DENND2A: variants seen among roughly 807,000 people sequenced by gnomAD.
The protein encoded by DENND2A is DENN domain containing 2A.
DENND2A carries 53 observed loss-of-function variants against 105.3 expected under a neutral mutation model. That is an observed-to-expected ratio of 0.50 (90% CI 0.40 to 0.63). The LOEUF (loss-of-function observed/expected upper bound fraction) is 0.63, where lower values mean the gene tolerates loss of function less well. Among genes scored for constraint, DENND2A ranks in the 30% least tolerant of loss-of-function variants. The pLI is 0.00. For synonymous variants in DENND2A, 522 were observed against 508.4 expected (o/e 1.03, Z -0.36); for missense variants, 1,138 against 1,279.6 (o/e 0.89, Z 1.69).
intron 1 of DENND2A, among the ~76,000 whole-genome samples, chr7:140,619,599 G>A (rs566812505): frequency 1.3e-5 from 2 of 151,684 alleles, no homozygotes; most frequent in East Asian, 3.9e-4. Flanking sequence ...TCCTGGGTTC[G>A]AGAGATTCTC....
intron 5 of DENND2A, among the ~76,000 whole-genome samples, chr7:140,580,536 T>C (rs1432807914): frequency 6.6e-6 from 1 of 152,140 alleles, no homozygotes; most frequent in African/African-American, 2.4e-5. Context: ...ACCAGGCTGG[T>C]CTTGAATGCC....
chr7:140,577,259 C>T (rs1286141552), intron 5 of DENND2A, among the ~76,000 whole-genome samples: 1 of 152,048 alleles, frequency 6.6e-6, no homozygotes, highest in East Asian at 1.9e-4. Context: ...TAAATTAGAT[C>T]AAAAGAGTCT....
chr7:140,549,490 C>T (rs1299339602), intron 12 of DENND2A, among the ~76,000 whole-genome samples: 3 of 152,174 alleles, frequency 2.0e-5, no homozygotes, highest in East Asian at 1.9e-4. Context: ...TGACCTCAGG[C>T]GATCCAACCA....
In DENND2A at chr7:140,601,713, G is replaced by C. The variant is rs778233422; in HGVS notation, c.685C>G (p.Pro229Ala). 18 of 1,614,062 alleles carry C rather than the reference G, an allele frequency of 1.1e-5. No homozygotes were observed. In the African/African-American group the frequency reaches 1.9e-4, roughly 17 times the overall value. ...CCTTTCCTGTCCTCCACAAGCTCAG[G>C]GGTGGGCTCCCTGCCTTCCAGGTCC... ...PSDLEGREPT[P>A]ELVEDRKGSC... The change falls in exon 3 of 20, where the codon CCT becomes GCT. Residue 229 changes from proline (P) to alanine (A), a missense_variant. Around this residue, in one of 2 missense-constraint regions of DENND2A, gnomAD observed 511 missense variants for 499.9 expected, o/e 1.02. Transcript: ENST00000496613.
intron 3 of DENND2A, among the ~76,000 whole-genome samples, chr7:140,597,105 G>C (rs1799313338): frequency 6.6e-6 from 1 of 152,010 alleles, no homozygotes; most frequent in Non-Finnish European, 1.5e-5. Context: ...GAAAAGGAAG[G>C]AAAGAGAAGA....
At chr7:140,525,725 A>C (rs1796030835) in intron 16 of DENND2A, 26 bp downstream of exon 16, 2 of 1,597,816 alleles carry the variant, frequency 1.3e-6, no homozygotes, top group South Asian at 2.3e-5. Context: ...CAAAGGGAGC[A>C]GGAGGCCGTC....
chr7:140,577,428 C>T (rs577658141), intron 5 of DENND2A, among the ~76,000 whole-genome samples: 144 of 149,242 alleles, frequency 9.6e-4, no homozygotes, highest in Non-Finnish European at 1.7e-3. Flanking sequence ...GATGGAGTCT[C>T]GCTCTGTTGC....
intron 5 of DENND2A, among the ~76,000 whole-genome samples, chr7:140,577,883 C>T (rs918013096): frequency 6.6e-6 from 1 of 152,164 alleles, no homozygotes; most frequent in African/African-American, 2.4e-5. Flanking sequence ...TTGCTTGTCA[C>T]ACCCAGAACT....
Position 140,522,070 on chromosome 7 carries a change from A to G in DENND2A, c.2696T>C (p.Val899Ala), listed in dbSNP as rs1473862366. The G allele has an allele frequency of 6.2e-7, 1 of 1,614,044 alleles. No homozygotes were observed. The highest frequency in any genetic ancestry group is 1.3e-5 in the African/African-American group (1 of 74,946). ...GAAGAAGCGGACAAAGGCTTCAGACACCACCTCGTTCAAGGGGCTGGACTC... is the reference window on the plus strand; with the variant it reads ...GAAGAAGCGGACAAAGGCTTCAGACGCCACCTCGTTCAAGGGGCTGGACTC... ...GPESSPLNEV[V>A]SEAFVRFFVE... Residue 899 changes from valine (V) to alanine (A), a missense_variant, in exon 18 of 20, where the codon GTG becomes GCG. Transcript: ENST00000496613.
chr7:140,594,516 C>T (rs770411921), intron 3 of DENND2A, among the ~76,000 whole-genome samples: 10 of 152,170 alleles, frequency 6.6e-5, no homozygotes, highest in Non-Finnish European at 1.3e-4. Context: ...GGCTACACAT[C>T]CCTGCTGAAT....
chr7:140,555,365 C>T (rs1797315963), intron 12 of DENND2A, among the ~76,000 whole-genome samples: 1 of 152,018 alleles, frequency 6.6e-6, no homozygotes, highest in Non-Finnish European at 1.5e-5. Context: ...TCTCGAACTC[C>T]TGACCTCAAG....
chr7:140,581,199 G>T (rs1470961051), intron 5 of DENND2A, among the ~76,000 whole-genome samples: 10 of 152,112 alleles, frequency 6.6e-5, no homozygotes, highest in African/African-American at 2.4e-4. Context: ...AGGAGGTGGA[G>T]GTTGCAGTGA....
At chr7:140,617,838 T>C (rs1800139270) in intron 1 of DENND2A, among the ~76,000 whole-genome samples, 1 of 152,188 alleles carries the variant, frequency 6.6e-6, no homozygotes, top group Non-Finnish European at 1.5e-5. Flanking sequence ...CCACACTGTG[T>C]GACGTGCCGG....
chr7:140,620,935 A>C (rs558245825), intron 1 of DENND2A, among the ~76,000 whole-genome samples: 2 of 152,326 alleles, frequency 1.3e-5, no homozygotes, highest in South Asian at 4.1e-4. Flanking sequence ...TGGTTCCAGG[A>C]TGTCACTCAG....
Position 140,601,570 on chromosome 7 carries a change from G to A in DENND2A, c.828C>T (p.Ala276=), listed in dbSNP as rs371627954. ...LPKPRRTFKH[A]GEGDKDGKPG... ...GCTTCCCATCTTTGTCCCCTTCTCC[G>A]GCATGTTTGAACGTTCTCCGGGGTT... The change falls in exon 3 of 20, where the codon GCC becomes GCT. Residue 276 remains alanine (A), a synonymous_variant. Transcript: ENST00000496613. 41 of 1,614,112 alleles carry A rather than the reference G, an allele frequency of 2.5e-5. No individual in the cohort carries two copies. Among genetic ancestry groups the A allele is most frequent in the Middle Eastern group, 3.3e-4 (2 of 6,062 alleles).
Position 140,602,074 on chromosome 7 carries a change from C to A in DENND2A, c.324G>T (p.Lys108Asn), listed in dbSNP as rs779452234. 5.0e-6 allele frequency: 8 copies of A among 1,614,066 alleles called. No individual in the cohort carries two copies. The African/African-American group carries it at 9.3e-5, about 19-fold the overall frequency. ...GMRPGTESTE[K>N]ERNKGAVNVG... ...CGTTCACTGCTCCTTTATTCCTCTC[C>A]TTCTCTGTGCTCTCTGTTCCTGGCC... The change falls in exon 3 of 20, where the codon AAG becomes AAT. Residue 108 changes from lysine to asparagine, a missense_variant. Physicochemically the swap from Lys to Asn is moderately conservative, Grantham distance 94. Transcript: ENST00000496613.
rs1335576335 is a variant in DENND2A at position 140,567,237 on chromosome 7, A to T, written c.1628T>A (p.Leu543Gln). The T allele has an allele frequency of 1.9e-6, 3 of 1,612,104 alleles. No homozygotes were observed. Among genetic ancestry groups the T allele is most frequent in the African/African-American group, 2.7e-5 (2 of 74,572 alleles). Residue 543 changes from leucine (L) to glutamine (Q), a missense_variant, in exon 9 of 20, where the codon CTG becomes CAG. By Grantham distance (113) the Leu-to-Gln change is moderately radical (BLOSUM62 -2). Transcript: ENST00000496613. ...TGATGGGTACCGAGGCGCCTGCTTC[A>T]GCCGGGACTTCACGTTGACCAGGCG... Reference protein sequence around the residue: ...SQRLVNVKSRLKQAPRYPSLA... With the variant: ...SQRLVNVKSRQKQAPRYPSLA...
At position 140,521,938 on chromosome 7, in the gene DENND2A, CGGAGGCTCTTGGA is replaced by C; in HGVS notation, c.2815_2827del (p.Ser939AlafsTer54). The C allele has an allele frequency of 6.2e-7, 1 of 1,614,136 alleles. No homozygotes were observed. The highest frequency in any genetic ancestry group is 8.5e-7 in the Non-Finnish European group (1 of 1,180,038). ...CTCCATGAAGACCTCCAGGAAGTGG[CGGAGGCTCTTGGA>C]GGAGACAGCTTTGCGGAAGGCCTCC... On this transcript the variant is annotated frameshift_variant, in exon 18 of 20. Coordinates refer to ENST00000496613, the MANE Select transcript of DENND2A (RefSeq NM_015689.5). LOFTEE classifies it high-confidence loss of function.
intron 6 of DENND2A, among the ~76,000 whole-genome samples, chr7:140,573,402 A>T (rs1798173809): frequency 6.6e-6 from 1 of 152,240 alleles, no homozygotes; most frequent in Non-Finnish European, 1.5e-5. Flanking sequence ...AAGAGCCACA[A>T]GAGGTATTGT....
Sources: allele counts gnomAD v4.1 joint callset (sites outside exome capture counted in the v4.1 genomes callset), GRCh38; gene constraint gnomAD v4.1.1; regional missense constraint gnomAD v4.1.1; transcripts MANE v1.5; gene names NCBI Gene and HGNC (gene_info 2026-07-23, HGNC 2026-07-21).